The following SNRPA1 variants were observed in gnomAD, a reference collection of about 807,000 sequenced individuals.
SNRPA1 encodes the protein small nuclear ribonucleoprotein polypeptide A'.
In SNRPA1, 5 loss-of-function variants were observed where a neutral mutation model predicts 32.3. The observed-to-expected ratio is 0.15, with a 90% CI of 0.08 to 0.33. The LOEUF (loss-of-function observed/expected upper bound fraction) is 0.33. SNRPA1 is among the 10% of genes least tolerant of loss of function. SNRPA1 has a pLI of 1.00. For synonymous variants in SNRPA1, 111 were observed against 120.1 expected (o/e 0.92, Z 0.50); for missense variants, 198 against 311.1 (o/e 0.64, Z 2.74).
At chr15:101,286,148 C>T (rs191504336) in intron 6 of SNRPA1, 66 bp downstream of exon 6, 3 of 1,383,296 alleles carry the variant, frequency 2.2e-6, no homozygotes, top group East Asian at 4.6e-5. Flanking sequence ...AGGAGACGAA[C>T]TGCCAGACAG....
In SNRPA1 at chr15:101,281,801, G is replaced by T. The variant is rs2039398211; in HGVS notation, c.710-19C>A. The T allele has an allele frequency of 1.2e-6, 2 of 1,612,176 alleles. No homozygotes were observed. Among genetic ancestry groups the T allele is most frequent in the African/African-American group, 2.7e-5 (2 of 74,904 alleles). On this transcript the variant is annotated intron_variant, in intron 8 of 8. Transcript: ENST00000254193. ...GTGGGCCCTAAAGAAAACCACCAAA[G>T]CAAAAGTAGTATCAATTTTAGAGAA...
At chr15:101,292,384 G>C (rs1367921077) in intron 2 of SNRPA1, among the ~76,000 whole-genome samples, 1 of 152,138 alleles carries the variant, frequency 6.6e-6, no homozygotes, top group African/African-American at 2.4e-5. Context: ...TCAGGTACAA[G>C]ACACAACAAC....
chr15:101,293,080 C>T lies in SNRPA1; in HGVS notation c.175G>A (p.Gly59Ser), dbSNP rs748156963. The change falls in exon 2 of 9, where the codon GGT becomes AGT. Residue 59 changes from glycine (G) to serine (S), a missense_variant. Gly to Ser is a moderately conservative substitution (Grantham distance 56, BLOSUM62 0). Transcript: ENST00000254193. ...FSDNEIRKLD[G>S]FPLLRRLKTL... Reference sequence around the variant, plus strand: ...TTCAGTCTTCTCAACAAAGGAAAACCATCCAGTTTCCTGATCTCATTGTCA... The same window carrying T: ...TTCAGTCTTCTCAACAAAGGAAAACTATCCAGTTTCCTGATCTCATTGTCA... 6 of 1,612,368 alleles carry T rather than the reference C, an allele frequency of 3.7e-6. No homozygotes were observed. The highest frequency in any genetic ancestry group is 4.2e-6 in the Non-Finnish European group (5 of 1,178,886).
intron 1 of SNRPA1, 52 bp downstream of exon 1, chr15:101,295,045 T>G: frequency 8.1e-7 from 1 of 1,235,308 alleles, no homozygotes; most frequent in Non-Finnish European, 1.1e-6. Context: ...GCGCGGAAAA[T>G]AAGGCGGCTC....
At chr15:101,293,323 G>A (rs763867335) in intron 1 of SNRPA1, 151 bp from the exon 2 acceptor site, 5 of 518,390 alleles carry the variant, frequency 9.6e-6, no homozygotes, top group Non-Finnish European at 1.7e-5. Context: ...CGCATGACTT[G>A]CCGCTGTTTA....
chr15:101,284,749 G>A (rs944225615), intron 8 of SNRPA1: 21 of 386,492 alleles, frequency 5.4e-5, no homozygotes, highest in South Asian at 2.0e-4. Context: ...TGATCCGCCC[G>A]CCTCAGGCTC....
intron 8 of SNRPA1, among the ~76,000 whole-genome samples, chr15:101,282,766 T>C (rs1235298702): frequency 1.3e-5 from 2 of 152,222 alleles, no homozygotes; most frequent in Non-Finnish European, 2.9e-5. Context: ...AACATTACTA[T>C]TGAGTTCCCC....
chr15:101,286,316 G>A (rs540982801), intron 5 of SNRPA1, 23 bp from the exon 6 acceptor site: 1 of 1,608,966 alleles, frequency 6.2e-7, no homozygotes, highest in Admixed American at 1.7e-5. Context: ...CACACACAGA[G>A]TTAATGGAAA....
chr15:101,292,518 A>T (rs1596472909), intron 2 of SNRPA1, among the ~76,000 whole-genome samples: 1 of 152,288 alleles, frequency 6.6e-6, no homozygotes, highest in African/African-American at 2.4e-5. Context: ...TAAAGTTTAC[A>T]CAGAGCTGAT....
At chr15:101,290,515 C>G (rs778388792) in intron 3 of SNRPA1, among the ~76,000 whole-genome samples, 1 of 151,912 alleles carries the variant, frequency 6.6e-6, no homozygotes, top group Non-Finnish European at 1.5e-5. Flanking sequence ...GAACACAGTT[C>G]ATTCTCAACA....
chr15:101,293,323 G>C (rs763867335), intron 1 of SNRPA1, 151 bp from the exon 2 acceptor site: 1 of 518,386 alleles, frequency 1.9e-6, no homozygotes, highest in Non-Finnish European at 3.4e-6. Flanking sequence ...CGCATGACTT[G>C]CCGCTGTTTA....
At chr15:101,286,630 G>C in intron 5 of SNRPA1, 4 of 457,086 alleles carry the variant, frequency 8.8e-6, no homozygotes, top group Non-Finnish European at 1.2e-5. Flanking sequence ...CGCTGGGAAC[G>C]TATCTAGGCA....
Position 101,290,677 on chromosome 15 carries a change from G to C in SNRPA1, c.309+1285C>G, listed in dbSNP as rs113884648. ...GCCTCGACTGATGGCTAGGGCTCAA[G>C]TGATCCTCCCACTTTAGCCACTGGA... On this transcript the variant is annotated intron_variant, in intron 3 of 8. Coordinates refer to ENST00000254193, the MANE Select transcript of SNRPA1 (RefSeq NM_003090.4). Among the ~76,000 whole-genome samples, 447 of 151,034 alleles carry C rather than the reference G, an allele frequency of 3.0e-3. 3 individuals are homozygous for C. Among genetic ancestry groups the C allele is most frequent in the African/African-American group, 0.01 (429 of 40,968 alleles).
intron 3 of SNRPA1, among the ~76,000 whole-genome samples, chr15:101,290,914 G>A (rs1264925955): frequency 6.6e-6 from 1 of 151,960 alleles, no homozygotes; most frequent in East Asian, 1.9e-4. Flanking sequence ...GCTAATTTTT[G>A]TATTTTTAGT....
intron 1 of SNRPA1, chr15:101,294,820 G>C: frequency 2.6e-6 from 1 of 381,582 alleles, no homozygotes; most frequent in Non-Finnish European, 4.7e-6. Flanking sequence ...AGCCAAGCAA[G>C]GCCTAACAGG....
In SNRPA1 at chr15:101,292,275, G is replaced by A. The variant is rs114787477; in HGVS notation, c.231-235C>T. On this transcript the variant is annotated intron_variant, in intron 2 of 8. Coordinates refer to ENST00000254193, the MANE Select transcript of SNRPA1 (RefSeq NM_003090.4). The stretch of plus-strand genomic sequence containing the variant: ...ACTGTCATACCATCTAGTGGAACCT[G>A]AGAAAAGGTGCAACTCCTGGGTGGC... Among the ~76,000 whole-genome samples the A allele has an allele frequency of 9.1e-3, 1,387 of 152,286 alleles. 22 individuals carry two copies. Among genetic ancestry groups the A allele is most frequent in the African/African-American group, 0.031 (1,308 of 41,556 alleles).
chr15:101,294,755 G>A, intron 1 of SNRPA1: 1 of 303,912 alleles, frequency 3.3e-6, no homozygotes, highest in Non-Finnish European at 6.1e-6. Flanking sequence ...CTGCACTTGC[G>A]TTACAACCAT....
At chr15:101,286,435 A>G (rs2039455383) in intron 5 of SNRPA1, 142 bp from the exon 6 acceptor site, 1 of 627,744 alleles carries the variant, frequency 1.6e-6, no homozygotes, top group Non-Finnish European at 2.7e-6. Context: ...AAATTAAGAG[A>G]AGACACAGTG....
At chr15:101,286,124 T>G (rs2141307630) in intron 6 of SNRPA1, 90 bp downstream of exon 6, 1 of 1,043,332 alleles carries the variant, frequency 9.6e-7, no homozygotes, top group Admixed American at 2.2e-5. Flanking sequence ...GTCAGAGTTT[T>G]TGGTTAATTT....
Sources: allele counts gnomAD v4.1 joint callset (sites outside exome capture counted in the v4.1 genomes callset), GRCh38; gene constraint gnomAD v4.1.1; transcripts MANE v1.5; gene names NCBI Gene and HGNC (gene_info 2026-07-23, HGNC 2026-07-21).